Variants in TBL1XR1 observed in about 807,000 individuals in gnomAD.
TBL1XR1 encodes F-box-like/WD repeat-containing protein TBL1XR1.
TBL1XR1 carries 5 observed loss-of-function variants against 66.9 expected under a neutral mutation model. That is an observed-to-expected ratio of 0.07 (90% CI 0.04 to 0.16). TBL1XR1 has a LOEUF of 0.16. TBL1XR1 is among the 10% of genes least tolerant of loss of function. TBL1XR1 has a pLI of 1.00. For synonymous variants in TBL1XR1, 210 were observed against 206.0 expected (o/e 1.02, Z -0.17); for missense variants, 238 against 623.2 (o/e 0.38, Z 6.58).
intron 3 of TBL1XR1, among the ~76,000 whole-genome samples, chr3:177,058,090 G>C (rs923878994): frequency 3.3e-5 from 5 of 152,146 alleles, no homozygotes; most frequent in African/African-American, 7.2e-5. Flanking sequence ...AATGGACTCT[G>C]AACACCATGA....
intron 1 of TBL1XR1, among the ~76,000 whole-genome samples, chr3:177,148,930 G>T (rs1730557618): frequency 1.3e-5 from 2 of 151,650 alleles, no homozygotes; most frequent in South Asian, 4.2e-4. Context: ...CTTGAACCCA[G>T]GAGGCAGAGG....
At chr3:177,060,701 GGGAGAGATTAAAAAGGTC>G (rs1188433074) in intron 3 of TBL1XR1, among the ~76,000 whole-genome samples, 5 of 152,148 alleles carry the variant, frequency 3.3e-5, no homozygotes, top group African/African-American at 1.2e-4. Flanking sequence ...CAAAAGGTGG[GGGAGAGATTAAAAAGGTC>G]CAAACCAGCT....
intron 1 of TBL1XR1, among the ~76,000 whole-genome samples, chr3:177,135,834 G>A (rs1200855126): frequency 6.6e-6 from 1 of 151,502 alleles, no homozygotes; most frequent in Non-Finnish European, 1.5e-5. Flanking sequence ...CTGGTGGAAG[G>A]CTGTTTTTTT....
chr3:177,198,223 A>G (rs1189872976), upstream of TBL1XR1, among the ~76,000 whole-genome samples: 1 of 152,226 alleles, frequency 6.6e-6, no homozygotes, highest in Non-Finnish European at 1.5e-5. Flanking sequence ...GAAAACACGC[A>G]CACAAGAAAA....
At chr3:177,072,298 G>A (rs1272465288) in intron 2 of TBL1XR1, among the ~76,000 whole-genome samples, 2 of 152,224 alleles carry the variant, frequency 1.3e-5, no homozygotes, top group Non-Finnish European at 2.9e-5. Context: ...GAACTGTGAG[G>A]TCAAAATTAC....
At chr3:177,192,660 T>C (rs1425528590) in intron 1 of TBL1XR1, among the ~76,000 whole-genome samples, 1 of 152,190 alleles carries the variant, frequency 6.6e-6, no homozygotes, top group East Asian at 1.9e-4. Flanking sequence ...CCTATGACAT[T>C]ATGCCCCTAC....
chr3:177,167,433 C>T (rs369115070), intron 1 of TBL1XR1, among the ~76,000 whole-genome samples: 220 of 152,266 alleles, frequency 1.4e-3, no homozygotes, highest in African/African-American at 5.1e-3. Context: ...TGGTCGAACA[C>T]GCAGAACGTA....
At chr3:177,162,717 A>ATATG (rs1247296107) in intron 1 of TBL1XR1, among the ~76,000 whole-genome samples, 1 of 152,266 alleles carries the variant, frequency 6.6e-6, no homozygotes, top group Non-Finnish European at 1.5e-5. Context: ...CTACAAGTGT[A>ATATG]TACTTTGCCT....
At chr3:177,055,549 C>T (rs1008146930) in intron 3 of TBL1XR1, among the ~76,000 whole-genome samples, 9 of 730 alleles carry the variant, frequency 0.012, no homozygotes, top group Non-Finnish European at 0.026. Flanking sequence ...AATCGGGGGG[C>T]GGGGCGGGGG....
chr3:177,054,870 A>T (rs1467529391), intron 3 of TBL1XR1, among the ~76,000 whole-genome samples: 1 of 152,188 alleles, frequency 6.6e-6, no homozygotes, highest in Non-Finnish European at 1.5e-5. Flanking sequence ...TTACTTAATA[A>T]AAATCTCTTT....
intron 2 of TBL1XR1, among the ~76,000 whole-genome samples, chr3:177,070,514 A>T (rs1190777888): frequency 6.6e-6 from 1 of 152,202 alleles, no homozygotes; most frequent in East Asian, 1.9e-4. Flanking sequence ...CTTAAGGTAA[A>T]GCAATGTCAG....
chr3:177,095,758 T>C (rs1369201652), intron 2 of TBL1XR1, among the ~76,000 whole-genome samples: 3 of 152,114 alleles, frequency 2.0e-5, no homozygotes, highest in African/African-American at 7.2e-5. Flanking sequence ...GCTGGGATTA[T>C]AGGCATGAGG....
At chr3:177,080,732 T>C (rs1308692588) in intron 2 of TBL1XR1, among the ~76,000 whole-genome samples, 1 of 152,152 alleles carries the variant, frequency 6.6e-6, no homozygotes, top group Admixed American at 6.5e-5. Context: ...TAACAATAGG[T>C]CCTGGTACCT....
chr3:177,173,688 G>GA (rs960102907), intron 1 of TBL1XR1, among the ~76,000 whole-genome samples: 6 of 152,178 alleles, frequency 3.9e-5, no homozygotes, highest in African/African-American at 1.4e-4. Flanking sequence ...GACATTCGTG[G>GA]AAAAAACCGG....
At position 177,058,309 on chromosome 3, in the gene TBL1XR1, T is replaced by C. The variant is rs1029174771; in HGVS notation, c.59-4391A>G. Among the ~76,000 whole-genome samples the C allele has an allele frequency of 3.9e-5, 6 of 152,300 alleles. No individual in the cohort carries two copies. In the South Asian group the frequency reaches 6.2e-4, roughly 16 times the overall value. Reference sequence around the variant, plus strand: ...AACTCTGCCCTACAGATCCAGATTTTAGAAAAGGTAAATAGGATGGGGAAA... The same window carrying C: ...AACTCTGCCCTACAGATCCAGATTTCAGAAAAGGTAAATAGGATGGGGAAA... On this transcript the variant is annotated intron_variant, in intron 3 of 15. Coordinates refer to ENST00000457928, the MANE Select transcript of TBL1XR1 (RefSeq NM_024665.7).
At chr3:177,159,464 T>C (rs1227153799) in intron 1 of TBL1XR1, among the ~76,000 whole-genome samples, 1 of 152,164 alleles carries the variant, frequency 6.6e-6, no homozygotes, top group East Asian at 1.9e-4. Context: ...ATATATATAA[T>C]TTATACACAT....
intron 2 of TBL1XR1, among the ~76,000 whole-genome samples, chr3:177,092,441 AG>A (rs1213275498): frequency 6.6e-6 from 1 of 152,188 alleles, no homozygotes; most frequent in Non-Finnish European, 1.5e-5. Flanking sequence ...GACAAATAAA[AG>A]GGAAAAAATA....
chr3:177,099,551 GAAGT>G (rs1723935631), intron 1 of TBL1XR1: 1 of 152,178 alleles, frequency 6.6e-6, no homozygotes, highest in South Asian at 2.1e-4. Flanking sequence ...CCAATTAGGT[GAAGT>G]AAGAAGATAA....
chr3:177,126,411 T>C (rs776373937), intron 1 of TBL1XR1, among the ~76,000 whole-genome samples: 4 of 152,228 alleles, frequency 2.6e-5, no homozygotes, highest in East Asian at 1.9e-4. Context: ...ACATCGGTTA[T>C]GTAATAAAAT....
Sources: gnomAD v4.1 joint callset for allele counts (sites outside exome capture counted in the v4.1 genomes callset) on GRCh38, gnomAD v4.1.1 for gene constraint, MANE v1.5 for transcripts, NCBI Gene and HGNC (gene_info 2026-07-23, HGNC 2026-07-21) for gene names.